EXOSC1: variants seen among roughly 807,000 people sequenced by gnomAD.
EXOSC1 encodes exosome complex component CSL4.
EXOSC1 carries 27 observed loss-of-function variants against 31.4 expected under a neutral mutation model. That is an observed-to-expected ratio of 0.86 (90% CI 0.63 to 1.18). The LOEUF (loss-of-function observed/expected upper bound fraction) is 1.18. Ranked by LOEUF, EXOSC1 falls within the 50% of genes most tolerant of loss-of-function variation. The pLI is 0.00. For missense variants in EXOSC1, 228 were observed against 250.3 expected (o/e 0.91, Z 0.60); for synonymous variants, 84 against 89.5 (o/e 0.94, Z 0.35).
intron 7 of EXOSC1, 116 bp from the exon 8 acceptor site, chr10:97,436,667 TAAAG>T: frequency 1.1e-6 from 1 of 900,528 alleles, no homozygotes; most frequent in Non-Finnish European, 1.6e-6. Flanking sequence ...CCTCAACTCA[TAAAG>T]AAAAAACTTT....
chr10:97,445,916 G>T (rs764949317), intron 1 of EXOSC1, 39 bp downstream of exon 1: 5 of 1,613,756 alleles, frequency 3.1e-6, no homozygotes, highest in Non-Finnish European at 4.2e-6. Flanking sequence ...TCTTGCTTCA[G>T]CCCCTATCCA....
At chr10:97,442,862 G>C (rs1347007193) in intron 3 of EXOSC1, among the ~76,000 whole-genome samples, 1 of 152,098 alleles carries the variant, frequency 6.6e-6, no homozygotes, top group African/African-American at 2.4e-5. Context: ...TGTATTTTTG[G>C]TAGAGACAGG....
At chr10:97,442,682 A>C (rs773139493) in intron 3 of EXOSC1, among the ~76,000 whole-genome samples, 2 of 151,374 alleles carry the variant, frequency 1.3e-5, no homozygotes, top group East Asian at 1.9e-4. Context: ...CTAATTTTTT[A>C]TTCTTCTTCT....
chr10:97,443,106 T>A (rs1845768140), intron 3 of EXOSC1, 131 bp downstream of exon 3: 1 of 754,156 alleles, frequency 1.3e-6, no homozygotes, highest in Admixed American at 2.4e-5. Flanking sequence ...ATTACCAGTG[T>A]GAGCCACTGT....
At chr10:97,440,538 A>G (rs1845682919) in intron 4 of EXOSC1, among the ~76,000 whole-genome samples, 1 of 149,850 alleles carries the variant, frequency 6.7e-6, no homozygotes, top group African/African-American at 2.5e-5. Context: ...TTTTTTTTAA[A>G]GACAGAGTCT....
chr10:97,441,577 G>A (rs1287148380), intron 3 of EXOSC1, among the ~76,000 whole-genome samples: 5 of 141,088 alleles, frequency 3.5e-5, no homozygotes, highest in East Asian at 2.3e-4. Context: ...CGCAACCTCC[G>A]CCTCCTGGGT....
intron 3 of EXOSC1, 133 bp downstream of exon 3, chr10:97,443,104 T>C (rs1462347625): frequency 5.4e-6 from 4 of 737,924 alleles, no homozygotes; most frequent in South Asian, 1.8e-5. Flanking sequence ...GAATTACCAG[T>C]GTGAGCCACT....
Position 97,443,255 on chromosome 10 carries a change from T to A in EXOSC1, c.204A>T (p.Gly68=). 1 of 1,614,050 alleles carries A rather than the reference T, an allele frequency of 6.2e-7. No homozygotes were observed. Residue 68 remains glycine, a synonymous_variant, in exon 3 of 8, where the codon GGA becomes GGT. Transcript: ENST00000370902. ...AACTTACCTTACAGGTTACAATAGC[T>A]CCCACATCTGGCAGTAACTGGGACT... ...ETESQLLPDV[G]AIVTCKVSSI...
At position 97,445,831 on chromosome 10, in the gene EXOSC1, G is replaced by C; in HGVS notation, c.48C>G (p.Asn16Lys). 3 of 1,613,970 alleles carry C rather than the reference G, an allele frequency of 1.9e-6. No homozygotes were observed. The highest frequency in any genetic ancestry group is 2.5e-6 in the Non-Finnish European group (3 of 1,179,910). The stretch of plus-strand genomic sequence containing the variant: ...CGCTGCCCGGGCTGCCCTCCTCCAA[G>C]TTACACAGACGTTCGCCTGCAGAAA... ...RYCIPGERLC[N>K]LEEGSPGSGT... Residue 16 changes from asparagine to lysine, a missense_variant, in exon 2 of 8, where the codon AAC becomes AAG. By Grantham distance (94) the Asn-to-Lys change is moderately conservative. Coordinates refer to ENST00000370902, the MANE Select transcript of EXOSC1 (RefSeq NM_016046.5).
intron 5 of EXOSC1, 21 bp from the exon 6 acceptor site, chr10:97,437,771 T>C (rs1157175709): frequency 9.3e-6 from 15 of 1,609,758 alleles, no homozygotes; most frequent in Non-Finnish European, 1.3e-5. Flanking sequence ...AGAACAGGAA[T>C]GTTAAGTGAA....
chr10:97,443,419 G>T, intron 2 of EXOSC1, 108 bp from the exon 3 acceptor site: 2 of 941,474 alleles, frequency 2.1e-6, no homozygotes, highest in South Asian at 1.6e-5. Context: ...GTGAGAGTTG[G>T]AGTATGGATT....
chr10:97,445,690 T>TA, intron 2 of EXOSC1, 42 bp downstream of exon 2: 1 of 1,593,400 alleles, frequency 6.3e-7, no homozygotes, highest in Non-Finnish European at 8.6e-7. Flanking sequence ...AAGGGCAGCC[T>TA]AAGGGAAAAA....
At chr10:97,438,126 T>TCAGG in intron 5 of EXOSC1, among the ~76,000 whole-genome samples, 1 of 151,246 alleles carries the variant, frequency 6.6e-6, no homozygotes, top group Admixed American at 6.6e-5. Context: ...ACCATGTTGG[T>TCAGG]CAGGCTGGTC....
chr10:97,440,214 C>T (rs542772464), intron 4 of EXOSC1, among the ~76,000 whole-genome samples: 4 of 152,014 alleles, frequency 2.6e-5, no homozygotes, highest in South Asian at 2.1e-4. Flanking sequence ...TCAGGTGATC[C>T]GCCCGCCTCG....
Position 97,437,766 on chromosome 10 carries a change from A to G in EXOSC1, c.346-16T>C, listed in dbSNP as rs772598313. On this transcript the variant is annotated splice_polypyrimidine_tract_variant and intron_variant, in intron 5 of 7. Coordinates refer to ENST00000370902, the MANE Select transcript of EXOSC1 (RefSeq NM_016046.5). Reference sequence around the variant, plus strand: ...AAATTTCAACCTGTAAAGAAAGAACAGGAATGTTAAGTGAAAGCTCTAGAC... The same window carrying G: ...AAATTTCAACCTGTAAAGAAAGAACGGGAATGTTAAGTGAAAGCTCTAGAC... 4 of 1,610,896 alleles carry G rather than the reference A, an allele frequency of 2.5e-6. No homozygotes were observed. The highest frequency in any genetic ancestry group is 3.3e-5 in the Admixed American group (2 of 59,966).
At position 97,445,969 on chromosome 10, in the gene EXOSC1, C is replaced by T. The variant is rs201917519; in HGVS notation, c.17G>A (p.Arg6Lys). 21 of 1,614,248 alleles carry T rather than the reference C, an allele frequency of 1.3e-5. No individual in the cohort carries two copies. Among genetic ancestry groups the T allele is most frequent in the African/African-American group, 4.0e-5 (3 of 75,064 alleles). Residue 6 changes from arginine to lysine, a missense_variant, in exon 1 of 8, where the codon AGA becomes AAA. Transcript: ENST00000370902. The part of the protein sequence containing the change: MAPPV[R>K]YCIPGERLCN... ...CGCTCACTTACCGGGGATGCAGTAT[C>T]TCACAGGTGGCGCCATGATTGCCGC...
At position 97,436,230 on chromosome 10, in the gene EXOSC1, T is replaced by C. The variant is rs1183778327; in HGVS notation, c.*215A>G. 3 of 447,704 alleles carry C rather than the reference T, an allele frequency of 6.7e-6. No homozygotes were observed. Among genetic ancestry groups the C allele is most frequent in the South Asian group, 5.0e-5 (2 of 40,226 alleles). 27.7% of individuals were successfully genotyped at this position (447,704 alleles called of 1,614,324 possible). ...ATAGGCTATTTCCAATATCACAGTT[T>C]TGTTTGTTGGTGCCTTGAAAAGATA... is the stretch of plus-strand genomic sequence containing the variant. On this transcript the variant is annotated 3_prime_UTR_variant, in exon 8 of 8. Transcript: ENST00000370902.
In EXOSC1 at chr10:97,445,717, T is replaced by C. The variant is rs371609857; in HGVS notation, c.147+15A>G. 7.4e-6 allele frequency: 12 copies of C among 1,611,170 alleles called. No individual in the cohort carries two copies. Among genetic ancestry groups the C allele is most frequent in the Non-Finnish European group, 1.0e-5 (12 of 1,177,908 alleles). On this transcript the variant is annotated intron_variant, in intron 2 of 7. Coordinates refer to ENST00000370902, the MANE Select transcript of EXOSC1 (RefSeq NM_016046.5). ...AGGGAAAAACAGAGGGGAGATGGCA[T>C]GCCGCTTCCTTTACCGCGCCATTCT...
intron 2 of EXOSC1, chr10:97,445,489 T>G: frequency 1.8e-6 from 1 of 566,304 alleles, no homozygotes; most frequent in Non-Finnish European, 3.2e-6. Flanking sequence ...GATACTGAGT[T>G]CGCATCTGCT....
Sources: gnomAD v4.1 joint callset for allele counts (sites outside exome capture counted in the v4.1 genomes callset) on GRCh38, gnomAD v4.1.1 for gene constraint, MANE v1.5 for transcripts, NCBI Gene and HGNC (gene_info 2026-07-23, HGNC 2026-07-21) for gene names.